Variants in UGGT2 observed in about 807,000 individuals in gnomAD.
UGGT2 encodes the protein UDP-glucose:glycoprotein glucosyltransferase 2.
In UGGT2, 180 loss-of-function variants were observed where a neutral mutation model predicts 192.1. The observed-to-expected ratio is 0.94, with a 90% CI of 0.83 to 1.06. UGGT2 has a LOEUF of 1.06. UGGT2 is among the 50% of genes least tolerant of loss of function. The pLI is 0.00. For synonymous variants in UGGT2, 580 were observed against 591.0 expected, an observed-to-expected ratio of 0.98 and a Z score of 0.27; for missense variants, 1,849 against 1,795.7, an observed-to-expected ratio of 1.03 and a Z score of -0.54.
chr13:96,002,581 T>C (rs1015123947), intron 5 of UGGT2, among the ~76,000 whole-genome samples: 3 of 152,182 alleles, frequency 2.0e-5, no homozygotes, highest in African/African-American at 7.2e-5. Flanking sequence ...CACCCACACT[T>C]TCTCTTTACA....
At chr13:95,867,193 C>T (rs866978104) in intron 30 of UGGT2, 146 bp downstream of exon 30, 1 of 714,820 alleles carries the variant, frequency 1.4e-6, no homozygotes, top group Non-Finnish European at 2.2e-6. Context: ...TAATCCTCTT[C>T]TTTTTTTACT....
intron 37 of UGGT2, 31 bp from the exon 38 acceptor site, chr13:95,833,084 A>C: frequency 1.9e-6 from 3 of 1,605,100 alleles, no homozygotes; most frequent in Non-Finnish European, 2.6e-6. Flanking sequence ...TGTTAATGAA[A>C]GACCATGCTC....
chr13:95,886,670 A>G (rs143029101), intron 26 of UGGT2, among the ~76,000 whole-genome samples: 22 of 152,336 alleles, frequency 1.4e-4, no homozygotes, highest in African/African-American at 4.3e-4. Flanking sequence ...GGGACAATGA[A>G]TAAGTCCTAA....
At chr13:95,985,500 G>T (rs1334713684) in intron 9 of UGGT2, among the ~76,000 whole-genome samples, 5 of 151,942 alleles carry the variant, frequency 3.3e-5, no homozygotes, top group African/African-American at 1.2e-4. Flanking sequence ...ATAGTGTTTG[G>T]GACAATAAGA....
At chr13:95,927,473 T>A in intron 17 of UGGT2, 137 bp from the exon 18 acceptor site, 4 of 522,470 alleles carry the variant, frequency 7.7e-6, no homozygotes, top group Admixed American at 4.4e-5. Flanking sequence ...TTTCTTTCTT[T>A]TTTTTTTTTT....
chr13:95,899,404 T>C (rs2140276254), intron 22 of UGGT2, among the ~76,000 whole-genome samples: 1 of 152,282 alleles, frequency 6.6e-6, no homozygotes, highest in African/African-American at 2.4e-5. Context: ...GCCTTCAGAA[T>C]CTAGAAGAAT....
At chr13:95,886,664 C>T (rs968334212) in intron 26 of UGGT2, among the ~76,000 whole-genome samples, 10 of 152,184 alleles carry the variant, frequency 6.6e-5, no homozygotes, top group Non-Finnish European at 1.5e-4. Flanking sequence ...TCTTGAGGGA[C>T]AATGAATAAG....
intron 37 of UGGT2, 123 bp downstream of exon 37, chr13:95,836,963 A>C: frequency 1.2e-6 from 1 of 819,688 alleles, no homozygotes; most frequent in Non-Finnish European, 2.0e-6. Context: ...AATGTGTAAT[A>C]GACTGAACAG....
chr13:95,909,369 T>C (rs2048400226), intron 20 of UGGT2, among the ~76,000 whole-genome samples: 1 of 151,600 alleles, frequency 6.6e-6, no homozygotes, highest in Non-Finnish European at 1.5e-5. Flanking sequence ...CCAACAATGA[T>C]AGACTGGATT....
intron 10 of UGGT2, chr13:95,983,399 G>A (rs192104547): frequency 3.6e-6 from 1 of 277,684 alleles, no homozygotes; most frequent in East Asian, 9.9e-5. Context: ...ATACCATTTG[G>A]CAGAATCTTA....
chr13:96,041,327 A>G (rs900445752), intron 1 of UGGT2, among the ~76,000 whole-genome samples: 1 of 152,186 alleles, frequency 6.6e-6, no homozygotes, highest in Non-Finnish European at 1.5e-5. Context: ...TAGAGGAAGC[A>G]GCAGGAAAAG....
chr13:96,014,839 CTT>C (rs2052278043), intron 4 of UGGT2, among the ~76,000 whole-genome samples: 1 of 152,250 alleles, frequency 6.6e-6, no homozygotes, highest in East Asian at 1.9e-4. Flanking sequence ...TCAAATGTCA[CTT>C]ATATAGCAGC....
chr13:95,906,364 T>A (rs2048291336), intron 20 of UGGT2, among the ~76,000 whole-genome samples: 5 of 152,172 alleles, frequency 3.3e-5, no homozygotes, highest in Non-Finnish European at 7.3e-5. Context: ...TGTATGTATT[T>A]TCTGTGTAAA....
chr13:96,039,821 G>C (rs538894082), intron 1 of UGGT2, among the ~76,000 whole-genome samples: 1 of 152,066 alleles, frequency 6.6e-6, no homozygotes, highest in African/African-American at 2.4e-5. Context: ...CATAACAAGG[G>C]TTACCTTTCT....
chr13:95,978,627 A>C (rs2051016437), intron 10 of UGGT2, among the ~76,000 whole-genome samples: 1 of 152,120 alleles, frequency 6.6e-6, no homozygotes, highest in Admixed American at 6.6e-5. Context: ...GCATTTCCCC[A>C]ATGTTTTCTT....
At chr13:95,992,237 G>A (rs1034951957) in intron 7 of UGGT2, among the ~76,000 whole-genome samples, 1 of 152,210 alleles carries the variant, frequency 6.6e-6, no homozygotes, top group Non-Finnish European at 1.5e-5. Flanking sequence ...TGTGAAAAAT[G>A]ACATTGGTAG....
At chr13:95,807,024 C>T (rs1884340667) in intron 38 of UGGT2, among the ~76,000 whole-genome samples, 1 of 152,122 alleles carries the variant, frequency 6.6e-6, no homozygotes, top group African/African-American at 2.4e-5. Flanking sequence ...TAAACCCCTG[C>T]ACAGTTGAAA....
In UGGT2 at chr13:95,855,106, TAAAAAAAAAAAAAAAA is replaced by T. The variant is rs10713359; in HGVS notation, c.4009-647_4009-632del. Among the ~76,000 whole-genome samples, 3 of 49,958 alleles carry T rather than the reference TAAAAAAAAAAAAAAAA, an allele frequency of 6.0e-5. No individual in the cohort carries two copies. In the Admixed American group the frequency reaches 8.3e-4, roughly 14 times the overall value. 32.8% of individuals were successfully genotyped at this position (49,958 alleles called of 152,430 possible). Reference sequence around the variant, plus strand: ...GGGCAACACAGTGAGACCCTGTCTGTAAAAAAAAAAAAAAAAAAAAAAAAAAAAAAATTAGCCAGGC... The same window carrying T: ...GGGCAACACAGTGAGACCCTGTCTGTAAAAAAAAAAAAAAATTAGCCAGGC... On this transcript the variant is annotated intron_variant, in intron 34 of 38. Coordinates refer to ENST00000376747, the MANE Select transcript of UGGT2 (RefSeq NM_020121.4).
At chr13:96,042,260 C>T (rs1343245605) in intron 1 of UGGT2, among the ~76,000 whole-genome samples, 2 of 152,104 alleles carry the variant, frequency 1.3e-5, no homozygotes, top group East Asian at 3.9e-4. Context: ...GTGGCTAGAT[C>T]CAGAACAATC....
Sources: allele counts gnomAD v4.1 joint callset (sites outside exome capture counted in the v4.1 genomes callset), GRCh38; gene constraint gnomAD v4.1.1; transcripts MANE v1.5; gene names NCBI Gene and HGNC (gene_info 2026-07-23, HGNC 2026-07-21).